Variants in GPHN observed in about 807,000 individuals in gnomAD.
GPHN encodes the protein gephyrin.
A neutral mutation model predicts 95.5 loss-of-function variants in GPHN; 17 were observed. That is an observed-to-expected ratio of 0.18 (90% CI 0.12 to 0.27). The LOEUF is 0.27. GPHN is among the 10% of genes least tolerant of loss of function. The pLI is 1.00. For synonymous variants in GPHN, 320 were observed against 322.5 expected, an observed-to-expected ratio of 0.99 and a Z score of 0.08; for missense variants, 660 against 978.1, an observed-to-expected ratio of 0.67 and a Z score of 4.34.
intron 18 of GPHN, among the ~76,000 whole-genome samples, chr14:67,152,803 A>G (rs1307922984): frequency 6.6e-6 from 1 of 151,884 alleles, no homozygotes; most frequent in African/African-American, 2.4e-5. Context: ...CATCTCTACT[A>G]AAAATACAAA....
the GPHN span, chr14:67,586,792 C>T: frequency 2.2e-6 from 3 of 1,391,478 alleles, no homozygotes; most frequent in African/African-American, 4.3e-5. Flanking sequence ...CTTAAGAAGG[C>T]CCCTTCCCTG....
intron 1 of GPHN, among the ~76,000 whole-genome samples, chr14:66,625,528 C>T (rs2063493435): frequency 6.6e-6 from 1 of 151,886 alleles, no homozygotes; most frequent in Admixed American, 6.6e-5. Flanking sequence ...TATTGTCTGC[C>T]TTTTGTCCTA....
chr14:67,232,923 G>A, the GPHN span, among the ~76,000 whole-genome samples: 1 of 151,966 alleles, frequency 6.6e-6, no homozygotes, highest in Non-Finnish European at 1.5e-5. Flanking sequence ...TATTTAGTCA[G>A]GTCCTAGCAC....
chr14:66,953,507 G>A (rs909123557), intron 8 of GPHN, among the ~76,000 whole-genome samples: 2 of 152,142 alleles, frequency 1.3e-5, no homozygotes, highest in Non-Finnish European at 2.9e-5. Flanking sequence ...TGTGTATGGT[G>A]TAAGGCAAGG....
chr14:67,635,825 G>A, the GPHN span, among the ~76,000 whole-genome samples: 2 of 152,264 alleles, frequency 1.3e-5, no homozygotes, highest in South Asian at 2.1e-4. Context: ...TCACTCCAGC[G>A]TGGGTGAAAG....
chr14:66,907,603 C>T (rs1222240362), intron 5 of GPHN, among the ~76,000 whole-genome samples: 1 of 152,076 alleles, frequency 6.6e-6, no homozygotes, highest in Non-Finnish European at 1.5e-5. Context: ...GCAATGAGGA[C>T]TCTGCCAAGA....
At chr14:67,579,305 T>TTA in the GPHN span, 1 of 1,527,902 alleles carries the variant, frequency 6.5e-7, no homozygotes. Context: ...CCAACGGGAC[T>TTA]TACCATGTGA....
At chr14:67,457,751 G>A in the GPHN span, among the ~76,000 whole-genome samples, 2 of 152,226 alleles carry the variant, frequency 1.3e-5, no homozygotes, top group Non-Finnish European at 2.9e-5. Context: ...GGATGACATT[G>A]GTTCTAGAAA....
At chr14:66,584,432 G>A (rs1272105762) in intron 1 of GPHN, among the ~76,000 whole-genome samples, 1 of 152,174 alleles carries the variant, frequency 6.6e-6, no homozygotes, top group Non-Finnish European at 1.5e-5. Context: ...ATGTTGAATA[G>A]GAGTGGTGAG....
At chr14:67,488,499 C>T in the GPHN span, 1 of 152,456 alleles carries the variant, frequency 6.6e-6, no homozygotes, top group Non-Finnish European at 1.5e-5. Context: ...CCTGATCTGT[C>T]CATCTTACCG....
At chr14:67,652,801 C>CT in the GPHN span, among the ~76,000 whole-genome samples, 82 of 150,080 alleles carry the variant, frequency 5.5e-4, no homozygotes, top group East Asian at 1.9e-3. Context: ...AAATATATTT[C>CT]TTTTTTTTTT....
At chr14:67,514,267 C>T in the GPHN span, among the ~76,000 whole-genome samples, 1 of 152,122 alleles carries the variant, frequency 6.6e-6, no homozygotes, top group Non-Finnish European at 1.5e-5. Context: ...AAGAGACAGT[C>T]CCCGGGAAGG....
At chr14:67,348,093 AAG>A in the GPHN span, among the ~76,000 whole-genome samples, 3 of 150,802 alleles carry the variant, frequency 2.0e-5, no homozygotes, top group Admixed American at 2.0e-4. Context: ...TTTTTTTTTA[AAG>A]ATGAGTTTCG....
chr14:67,634,673 G>A, the GPHN span, among the ~76,000 whole-genome samples: 1 of 151,868 alleles, frequency 6.6e-6, no homozygotes, highest in Non-Finnish European at 1.5e-5. Context: ...TTTAAACCAG[G>A]ACATCAGTAG....
chr14:67,117,602 C>T (rs1020780800), intron 16 of GPHN, among the ~76,000 whole-genome samples: 3 of 152,144 alleles, frequency 2.0e-5, no homozygotes, highest in African/African-American at 7.2e-5. Flanking sequence ...GGAAATCTCT[C>T]CCAAAGCCAG....
intron 18 of GPHN, among the ~76,000 whole-genome samples, chr14:67,156,419 TC>T (rs887930936): frequency 2.0e-5 from 3 of 152,174 alleles, no homozygotes; most frequent in Non-Finnish European, 4.4e-5. Context: ...GTTTTAAGGT[TC>T]TTGTATTGTC....
the GPHN span, chr14:67,395,520 C>T: frequency 1.2e-6 from 2 of 1,614,170 alleles, no homozygotes; most frequent in Non-Finnish European, 8.5e-7. Context: ...GCATCCCGCT[C>T]CTCTCGAGAA....
intron 9 of GPHN, among the ~76,000 whole-genome samples, chr14:66,994,225 G>T (rs1450136296): frequency 1.3e-5 from 2 of 152,024 alleles, no homozygotes; most frequent in African/African-American, 4.8e-5. Context: ...AATTAGCCGG[G>T]CATGATGGTG....
chr14:66,598,223 TAATAAC>T (rs1206540765), intron 1 of GPHN, among the ~76,000 whole-genome samples: 3 of 152,204 alleles, frequency 2.0e-5, no homozygotes, highest in Non-Finnish European at 4.4e-5. Context: ...TGACTGCAGT[TAATAAC>T]AATATGTTGT....
Sources: gnomAD v4.1 joint callset for allele counts (sites outside exome capture counted in the v4.1 genomes callset) on GRCh38, gnomAD v4.1.1 for gene constraint, MANE v1.5 for transcripts, NCBI Gene and HGNC (gene_info 2026-07-23, HGNC 2026-07-21) for gene names.